Variants in DCHS2 observed in about 807,000 individuals in gnomAD.
DCHS2 encodes dachsous cadherin-related 2, also known as protocadherin-23.
DCHS2 carries 142 observed loss-of-function variants against 182.4 expected under a neutral mutation model. The ratio of observed to expected loss-of-function variants is 0.78; its 90% confidence interval spans 0.68 to 0.89. The LOEUF is 0.89. Ranked by LOEUF, DCHS2 falls within the 40% of genes least tolerant of loss-of-function variation. The pLI, the probability that DCHS2 is intolerant of heterozygous loss-of-function variation, is 0.00. For missense variants in DCHS2, 4,319 were observed against 4,198.6 expected (o/e 1.03, Z -0.79); for synonymous variants, 1,740 against 1,663.3 (o/e 1.05, Z -1.12).
At chr4:154,406,226 C>T (rs1259617744) in intron 1 of DCHS2, among the ~76,000 whole-genome samples, 4 of 152,220 alleles carry the variant, frequency 2.6e-5, no homozygotes, top group Non-Finnish European at 4.4e-5. Context: ...CTCAGAACTT[C>T]CCTCTAAGCA....
chr4:154,312,492 T>C (rs949211199), intron 10 of DCHS2, among the ~76,000 whole-genome samples: 3 of 152,156 alleles, frequency 2.0e-5, no homozygotes, highest in African/African-American at 7.2e-5. Context: ...GAGGCTACAG[T>C]GAGCCATGAT....
At chr4:154,368,194 G>A (rs1232448019) in intron 2 of DCHS2, among the ~76,000 whole-genome samples, 1 of 152,104 alleles carries the variant, frequency 6.6e-6, no homozygotes, top group Non-Finnish European at 1.5e-5. Context: ...CAGGTTCGAC[G>A]TAGTAAGAGG....
In DCHS2 at chr4:154,259,694, T is replaced by A. The variant is rs1453547976; in HGVS notation, c.6640A>T (p.Ile2214Phe). 6.2e-7 allele frequency: 1 copy of A among 1,613,952 alleles called. No homozygotes were observed. Among genetic ancestry groups the A allele is most frequent in the Non-Finnish European group, 8.5e-7 (1 of 1,179,998 alleles). ...DFEVRNEVQLIVLAESSGHRA... is the reference protein window; with the variant it reads ...DFEVRNEVQLFVLAESSGHRA... Reference sequence around the variant, plus strand: ...TGCCCACTACTTTCAGCTAAAACGATGAGTTGAACCTCATTTCTGACTTCA... The same window carrying A: ...TGCCCACTACTTTCAGCTAAAACGAAGAGTTGAACCTCATTTCTGACTTCA... Residue 2214 changes from isoleucine to phenylalanine, a missense_variant, in exon 15 of 20, where the codon ATC becomes TTC. Transcript: ENST00000357232.
intron 13 of DCHS2, among the ~76,000 whole-genome samples, chr4:154,274,693 C>T (rs757882341): frequency 8.6e-5 from 13 of 151,700 alleles, no homozygotes; most frequent in African/African-American, 1.2e-4. Flanking sequence ...TTAATGAGTA[C>T]GGGAAGAAAG....
intron 1 of DCHS2, among the ~76,000 whole-genome samples, chr4:154,432,906 G>A (rs1329938698): frequency 6.6e-6 from 1 of 152,176 alleles, no homozygotes; most frequent in Non-Finnish European, 1.5e-5. Context: ...AGCTTCTAGA[G>A]GGAAGGGTCT....
chr4:154,469,608 C>T (rs1159468717), intron 1 of DCHS2, among the ~76,000 whole-genome samples: 1 of 152,184 alleles, frequency 6.6e-6, no homozygotes, highest in Non-Finnish European at 1.5e-5. Flanking sequence ...TCTCTCATCA[C>T]AGTCTGTGAC....
At chr4:154,460,989 A>G (rs888665687) in intron 1 of DCHS2, among the ~76,000 whole-genome samples, 1 of 152,188 alleles carries the variant, frequency 6.6e-6, no homozygotes, top group Non-Finnish European at 1.5e-5. Flanking sequence ...CCAGACCAAG[A>G]AAAGCTCAAA....
At chr4:154,485,931 C>G (rs1440177005) in intron 1 of DCHS2, among the ~76,000 whole-genome samples, 1 of 152,186 alleles carries the variant, frequency 6.6e-6, no homozygotes, top group Non-Finnish European at 1.5e-5. Context: ...TGACAGTTAT[C>G]TGAGCGAAAA....
intron 1 of DCHS2, among the ~76,000 whole-genome samples, chr4:154,406,388 A>G (rs527343769): frequency 5.3e-5 from 8 of 152,318 alleles, no homozygotes; most frequent in Non-Finnish European, 1.2e-4. Context: ...CAGGGCCAAC[A>G]AAGGTATCAT....
In DCHS2 at chr4:154,316,738, C is replaced by T. The variant is rs76030199; in HGVS notation, c.5021-751G>A. The stretch of plus-strand genomic sequence containing the variant: ...GGCGGAAGCTGTAGTGAGCTGAGAT[C>T]GTGCCACTGCACTCTAGCCTGGGCA... On this transcript the variant is annotated intron_variant, in intron 9 of 19. Transcript: ENST00000357232. 6.0e-3 allele frequency among the ~76,000 whole-genome samples: 912 copies of T among 152,198 alleles called. 9 individuals carry two copies. Among genetic ancestry groups the T allele is most frequent in the African/African-American group, 0.021 (860 of 41,510 alleles).
intron 13 of DCHS2, among the ~76,000 whole-genome samples, chr4:154,275,578 G>T (rs1238476003): frequency 1.3e-5 from 2 of 152,062 alleles, no homozygotes; most frequent in Non-Finnish European, 2.9e-5. Context: ...TGCCTTTACA[G>T]TAGTACAATA....
chr4:154,341,362 CTG>C (rs1310657380), intron 3 of DCHS2, among the ~76,000 whole-genome samples: 1 of 134,124 alleles, frequency 7.5e-6, no homozygotes, highest in Non-Finnish European at 1.5e-5. Context: ...GAGCGAGACT[CTG>C]TCTCAAAAAA....
intron 1 of DCHS2, chr4:154,486,463 C>T (rs550449643): frequency 7.7e-7 from 1 of 1,304,634 alleles, no homozygotes. Flanking sequence ...TTTTGTTTTT[C>T]CTGTATTTCC....
intron 1 of DCHS2, among the ~76,000 whole-genome samples, chr4:154,423,606 C>A (rs1344937619): frequency 6.6e-6 from 1 of 152,152 alleles, no homozygotes; most frequent in Non-Finnish European, 1.5e-5. Context: ...GGCTAAGAAT[C>A]CAGCTGAGCT....
chr4:154,490,898 A>G lies in DCHS2; in HGVS notation c.458T>C (p.Val153Ala). The change falls in exon 1 of 20, where the codon GTG becomes GCG. Residue 153 changes from valine (V) to alanine (A), a missense_variant. Val to Ala is a moderately conservative substitution (Grantham distance 64). Coordinates refer to ENST00000357232, the MANE Select transcript of DCHS2 (RefSeq NM_001358235.2). ...ATTCACGTCGTTGACGCGAATCTCC[A>G]CCTGCACCACAGCGCCCAGCAGCGT... ...AATLLGAVVQVEIRVNDVNDH... is the reference protein window; with the variant it reads ...AATLLGAVVQAEIRVNDVNDH... 6.4e-7 allele frequency: 1 copy of G among 1,551,306 alleles called. No homozygotes were observed.
intron 3 of DCHS2, among the ~76,000 whole-genome samples, chr4:154,341,173 C>G (rs1301801814): frequency 6.6e-6 from 1 of 151,998 alleles, no homozygotes; most frequent in Non-Finnish European, 1.5e-5. Flanking sequence ...TGGAGACCAT[C>G]CTGGCTAACA....
intron 1 of DCHS2, among the ~76,000 whole-genome samples, chr4:154,431,451 TCA>T (rs1733556167): frequency 6.6e-6 from 1 of 152,144 alleles, no homozygotes; most frequent in Admixed American, 6.6e-5. Flanking sequence ...GTTAGATATA[TCA>T]CACATCTTTT....
chr4:154,365,638 C>T (rs561353641), intron 3 of DCHS2, among the ~76,000 whole-genome samples: 2 of 150,930 alleles, frequency 1.3e-5, no homozygotes, highest in Admixed American at 6.6e-5. Context: ...GCCACAGAGC[C>T]CAGATAACAG....
rs775122805 is a variant in DCHS2, at chr4:154,242,680, G to T, written c.7034C>A (p.Pro2345Gln). ...CACTGCTTCAGAGGGGAGAAAAGCTGGGGCATTGTCATTTATATCAGTCAC... is the reference window on the plus strand; with the variant it reads ...CACTGCTTCAGAGGGGAGAAAAGCTTGGGCATTGTCATTTATATCAGTCAC... ...VQVTDINDNA[P>Q]AFLPSEAVEI... Residue 2345 changes from proline (P) to glutamine (Q), a missense_variant, in exon 17 of 20, where the codon CCA becomes CAA. Coordinates refer to ENST00000357232, the MANE Select transcript of DCHS2 (RefSeq NM_001358235.2). The T allele has an allele frequency of 1.9e-6, 3 of 1,612,922 alleles. No individual in the cohort carries two copies. The South Asian group carries it at 3.3e-5, about 18-fold the overall frequency.
Sources: allele counts gnomAD v4.1 joint callset (sites outside exome capture counted in the v4.1 genomes callset), GRCh38; gene constraint gnomAD v4.1.1; transcripts MANE v1.5; gene names NCBI Gene and HGNC (gene_info 2026-07-23, HGNC 2026-07-21).